Variants in TAF4B observed in about 807,000 individuals in gnomAD.
The protein encoded by TAF4B is TATA-box binding protein associated factor 4b, also known as transcription initiation factor TFIID subunit 4B.
TAF4B carries 38 observed loss-of-function variants against 86.4 expected under a neutral mutation model. The ratio of observed to expected loss-of-function variants is 0.44; its 90% CI spans 0.34 to 0.58. The LOEUF (loss-of-function observed/expected upper bound fraction) is 0.58, where lower values mean the gene tolerates loss of function less well. TAF4B is among the 20% of genes least tolerant of loss of function. TAF4B has a pLI of 0.02. For missense variants in TAF4B, 988 were observed against 1,027.6 expected (o/e 0.96, Z 0.53); for synonymous variants, 388 against 391.2 (o/e 0.99, Z 0.10).
At chr18:26,232,055 G>T (rs2055679525) in intron 1 of TAF4B, among the ~76,000 whole-genome samples, 1 of 152,158 alleles carries the variant, frequency 6.6e-6, no homozygotes, top group African/African-American at 2.4e-5. Context: ...ATTTTACAGA[G>T]TGCTGGTTGG....
At chr18:26,244,335 A>T (rs768578039) in intron 1 of TAF4B, among the ~76,000 whole-genome samples, 8 of 152,226 alleles carry the variant, frequency 5.3e-5, no homozygotes, top group Non-Finnish European at 1.0e-4. Flanking sequence ...CTGCTGTGCT[A>T]GCAGTGAGCG....
At chr18:26,304,168 G>GTTTTTT (rs5823508) in intron 9 of TAF4B, among the ~76,000 whole-genome samples, 1 of 125,382 alleles carries the variant, frequency 8.0e-6, no homozygotes. Context: ...TAGGTCGACT[G>GTTTTTT]TTTTTTTTTT....
chr18:26,315,108 C>T, intron 9 of TAF4B, 121 bp from the exon 10 acceptor site: 1 of 201,220 alleles, frequency 5.0e-6, no homozygotes, highest in Non-Finnish European at 7.9e-6. Flanking sequence ...CTCTCTCTCT[C>T]TCTCTCTCTC....
At chr18:26,295,739 A>C (rs2056654770) in intron 9 of TAF4B, among the ~76,000 whole-genome samples, 1 of 152,180 alleles carries the variant, frequency 6.6e-6, no homozygotes, top group Non-Finnish European at 1.5e-5. Flanking sequence ...CTGTGAAATC[A>C]ACACTTTTTG....
intron 13 of TAF4B, 36 bp from the exon 14 acceptor site, chr18:26,357,654 G>A (rs1282257514): frequency 3.5e-6 from 5 of 1,444,934 alleles, no homozygotes; most frequent in East Asian, 4.6e-5. Flanking sequence ...GCATGAATGT[G>A]TATAAACATT....
chr18:26,251,129 T>G (rs994030879), intron 1 of TAF4B, among the ~76,000 whole-genome samples: 1 of 152,120 alleles, frequency 6.6e-6, no homozygotes, highest in Non-Finnish European at 1.5e-5. Context: ...GCTTATTCTG[T>G]GTGGTTGCAG....
Position 26,311,400 on chromosome 18 carries a change from C to T in TAF4B, c.1833-3829C>T, listed in dbSNP as rs1194356600. Among the ~76,000 whole-genome samples the T allele has an allele frequency of 5.3e-5, 8 of 151,908 alleles. No homozygotes were observed. In the South Asian group the frequency reaches 8.3e-4, roughly 16 times the overall value. ...CTGTAATCCCAGCATTTTGGGAGGC[C>T]GAGGCAGGCAGATCACCTGAGGTTA... On this transcript the variant is annotated intron_variant, in intron 9 of 14. Coordinates refer to ENST00000269142, the MANE Select transcript of TAF4B (RefSeq NM_005640.3).
chr18:26,243,160 T>A (rs960722495), intron 1 of TAF4B, among the ~76,000 whole-genome samples: 1 of 152,208 alleles, frequency 6.6e-6, no homozygotes, highest in Non-Finnish European at 1.5e-5. Flanking sequence ...GTTCTCCTGG[T>A]TAATATCCTG....
intron 9 of TAF4B, among the ~76,000 whole-genome samples, chr18:26,314,014 A>G (rs990880207): frequency 2.0e-5 from 3 of 152,084 alleles, no homozygotes; most frequent in African/African-American, 4.8e-5. Context: ...TTTGAGTATG[A>G]GTTCTTTTCC....
rs543769301 is a variant in TAF4B at position 26,258,451 on chromosome 18, G to T, written c.344-6719G>T. On this transcript the variant is annotated intron_variant, in intron 1 of 14. Transcript: ENST00000269142. Reference sequence around the variant, plus strand: ...CTATTTGTAAAAATTTTACATTCCTGTATGTTAAATTTCCAAAGACGTAAT... The same window carrying T: ...CTATTTGTAAAAATTTTACATTCCTTTATGTTAAATTTCCAAAGACGTAAT... Among the ~76,000 whole-genome samples, 3 of 152,026 alleles carry T rather than the reference G, an allele frequency of 2.0e-5. No homozygotes were observed. The South Asian group carries it at 6.2e-4, about 32-fold the overall frequency.
At chr18:26,285,854 G>GT (rs1338096345) in intron 6 of TAF4B, 28 bp from the exon 7 acceptor site, 6 of 1,581,446 alleles carry the variant, frequency 3.8e-6, no homozygotes, top group Non-Finnish European at 4.3e-6. Flanking sequence ...TGTTAGCAGT[G>GT]TTTTTTTCCA....
intron 13 of TAF4B, among the ~76,000 whole-genome samples, chr18:26,339,264 AATGT>A (rs1276699604): frequency 1.3e-5 from 2 of 152,164 alleles, no homozygotes; most frequent in African/African-American, 2.4e-5. Flanking sequence ...CTTTTCCTAA[AATGT>A]AAGTACCTGC....
intron 5 of TAF4B, among the ~76,000 whole-genome samples, chr18:26,281,292 A>AT: frequency 6.6e-6 from 1 of 152,264 alleles, no homozygotes; most frequent in South Asian, 2.1e-4. Flanking sequence ...ATCTAAGATC[A>AT]TAGTTACCTT....
At position 26,292,227 on chromosome 18, in the gene TAF4B, A is replaced by C; in HGVS notation, c.1591-19A>C. 3.1e-6 allele frequency: 5 copies of C among 1,611,434 alleles called. No homozygotes were observed. Among genetic ancestry groups the C allele is most frequent in the Non-Finnish European group, 4.2e-6 (5 of 1,179,100 alleles). On this transcript the variant is annotated intron_variant, in intron 7 of 14. Transcript: ENST00000269142. ...AGCCTTAAGTTGAACAACTATATTG[A>C]TAGTTCTCATTGTTTCAGGTAGTTC...
intron 14 of TAF4B, among the ~76,000 whole-genome samples, chr18:26,371,701 G>A (rs2057407118): frequency 6.6e-6 from 1 of 152,150 alleles, no homozygotes; most frequent in African/African-American, 2.4e-5. Context: ...AAACATATAA[G>A]CTCTAGGTCT....
chr18:26,333,471 G>A (rs2057067320), intron 12 of TAF4B, among the ~76,000 whole-genome samples: 2 of 152,104 alleles, frequency 1.3e-5, no homozygotes, highest in African/African-American at 4.8e-5. Context: ...TACAGGCCTT[G>A]ATCTCCCAGG....
chr18:26,337,424 C>CTT (rs551888808), intron 13 of TAF4B, among the ~76,000 whole-genome samples: 2,279 of 126,090 alleles, frequency 0.018, 58 homozygotes, highest in South Asian at 0.038. Flanking sequence ...TTCTTTCTTT[C>CTT]TTTTTTTTTT....
At chr18:26,252,470 A>C (rs564588702) in intron 1 of TAF4B, among the ~76,000 whole-genome samples, 2 of 152,164 alleles carry the variant, frequency 1.3e-5, no homozygotes, top group Non-Finnish European at 2.9e-5. Flanking sequence ...TCATTTACCC[A>C]TGGTCAACTG....
intron 13 of TAF4B, chr18:26,348,336 GC>G (rs2057217427): frequency 6.6e-6 from 1 of 152,358 alleles, no homozygotes; most frequent in South Asian, 2.1e-4. Flanking sequence ...AATTGTCCAA[GC>G]CTTACTAACC....
Sources: allele counts gnomAD v4.1 joint callset (sites outside exome capture counted in the v4.1 genomes callset), GRCh38; gene constraint gnomAD v4.1.1; transcripts MANE v1.5; gene names NCBI Gene and HGNC (gene_info 2026-07-23, HGNC 2026-07-21).